The following RNPC3 variants were observed in gnomAD, a reference collection of about 807,000 sequenced individuals.
RNPC3 encodes RNA-binding region-containing protein 3.
A neutral mutation model predicts 67.5 loss-of-function variants in RNPC3; 48 were observed. That is an observed-to-expected ratio of 0.71 (90% CI 0.56 to 0.90). The LOEUF is 0.90. Ranked by LOEUF, RNPC3 falls within the 40% of genes least tolerant of loss-of-function variation. The pLI, the probability that RNPC3 is intolerant of heterozygous loss-of-function variation, is 0.00. For missense variants in RNPC3, 637 were observed against 626.1 expected (o/e 1.02, Z -0.19); for synonymous variants, 239 against 210.3 (o/e 1.14, Z -1.18).
At chr1:103,548,353 A>G (rs1651297818) in intron 12 of RNPC3, among the ~76,000 whole-genome samples, 1 of 152,132 alleles carries the variant, frequency 6.6e-6, no homozygotes, top group Non-Finnish European at 1.5e-5. Flanking sequence ...CACCCAAGTC[A>G]CCTCTTGAAT....
Position 103,526,082 on chromosome 1 carries a change from C to G in RNPC3, c.12C>G (p.Pro4=), listed in dbSNP as rs931095727. 3.3e-6 allele frequency: 5 copies of G among 1,534,700 alleles called. No individual in the cohort carries two copies. In the African/African-American group the frequency reaches 6.9e-5, roughly 21 times the overall value. Residue 4 remains proline (P), a synonymous_variant, in exon 1 of 15, where the codon CCC becomes CCG. Coordinates refer to ENST00000423855, the MANE Select transcript of RNPC3 (RefSeq NM_017619.4). Reference sequence around the variant, plus strand: ...CTTCTCCAAGGAAAATGGCAGCTCCCGAGCAGCCGCTTGCGATATCAAGGG... The same window carrying G: ...CTTCTCCAAGGAAAATGGCAGCTCCGGAGCAGCCGCTTGCGATATCAAGGG... The part of the protein sequence containing the change: MAA[P]EQPLAISRGC...
intron 1 of RNPC3, 120 bp from the exon 2 acceptor site, chr1:103,527,575 T>G: frequency 1.3e-6 from 1 of 759,868 alleles, no homozygotes; most frequent in Non-Finnish European, 2.2e-6. Flanking sequence ...TGGTCTTGAG[T>G]TTTCATCCTT....
At chr1:103,549,951 G>T (rs1356376807) in intron 12 of RNPC3, among the ~76,000 whole-genome samples, 2 of 151,330 alleles carry the variant, frequency 1.3e-5, no homozygotes, top group Non-Finnish European at 2.9e-5. Context: ...ATCACTTGAG[G>T]TCAGGAGTTC....
At chr1:103,539,515 C>A (rs567321780) in intron 7 of RNPC3, among the ~76,000 whole-genome samples, 1 of 152,296 alleles carries the variant, frequency 6.6e-6, no homozygotes, top group South Asian at 2.1e-4. Context: ...GTGAACTTCA[C>A]TTTCTTTATA....
chr1:103,552,917 T>A (rs1032875626), intron 14 of RNPC3: 1 of 152,218 alleles, frequency 6.6e-6, no homozygotes, highest in Non-Finnish European at 1.5e-5. Context: ...AATTAAGCAT[T>A]TTAAATGTTA....
At chr1:103,541,822 C>T (rs1485527554) in intron 8 of RNPC3, among the ~76,000 whole-genome samples, 1 of 151,954 alleles carries the variant, frequency 6.6e-6, no homozygotes, top group Non-Finnish European at 1.5e-5. Flanking sequence ...ACATTACTGT[C>T]ACTAGTGTAA....
chr1:103,542,152 A>G (rs571511756), intron 8 of RNPC3, among the ~76,000 whole-genome samples: 4 of 152,174 alleles, frequency 2.6e-5, no homozygotes, highest in Non-Finnish European at 4.4e-5. Flanking sequence ...TGCATTAGCA[A>G]TTATAATACA....
Position 103,537,359 on chromosome 1 carries a change from A to C in RNPC3, c.642A>C (p.Pro214=). 1 of 1,535,260 alleles carries C rather than the reference A, an allele frequency of 6.5e-7. No individual in the cohort carries two copies. The highest frequency in any genetic ancestry group is 8.7e-7 in the Non-Finnish European group (1 of 1,146,374). Residue 214 remains proline (P), a synonymous_variant, in exon 7 of 15, where the codon CCA becomes CCC. Coordinates refer to ENST00000423855, the MANE Select transcript of RNPC3 (RefSeq NM_017619.4). ...ARPPMYEDYM[P]LHAPLPPTSP... is the part of the protein sequence containing the mutation. ...TTAATTAGTATGAAGACTATATGCC[A>C]TTGCATGCACCTCTTCCACCCACAT...
chr1:103,546,283 C>G lies in RNPC3; in HGVS notation c.1243C>G (p.Pro415Ala). ...ETLSVFRSYE[P>A]GEPNCRIYVK... ...ACTTTCAGTTTTCAGAAGTTATGAACCGGGTGAACCAAACTGTAGAATTTA... is the reference window on the plus strand; with the variant it reads ...ACTTTCAGTTTTCAGAAGTTATGAAGCGGGTGAACCAAACTGTAGAATTTA... Residue 415 changes from proline to alanine, a missense_variant, in exon 11 of 15, where the codon CCG becomes GCG. Pro to Ala is a conservative substitution (Grantham distance 27). Coordinates refer to ENST00000423855, the MANE Select transcript of RNPC3 (RefSeq NM_017619.4). The G allele has an allele frequency of 6.8e-7, 1 of 1,465,232 alleles. No individual in the cohort carries two copies. Among genetic ancestry groups the G allele is most frequent in the Non-Finnish European group, 9.0e-7 (1 of 1,113,928 alleles). 90.8% of individuals were successfully genotyped at this position (1,465,232 alleles called of 1,614,324 possible).
Position 103,545,097 on chromosome 1 carries a change from G to A in RNPC3, c.1202G>A (p.Arg401Lys). Residue 401 changes from arginine (R) to lysine (K), a missense_variant, in exon 10 of 15, where the codon AGA becomes AAA. By Grantham distance (26) the Arg-to-Lys change is conservative. Coordinates refer to ENST00000423855, the MANE Select transcript of RNPC3 (RefSeq NM_017619.4). ...GAATTGGAAAAGGGCAGAATTTCTA[G>A]AGAAGGTAATGTCACGAAATAAACT... ...RRELEKGRIS[R>K]EEMETLSVFR... 1 of 1,531,232 alleles carries A rather than the reference G, an allele frequency of 6.5e-7. No homozygotes were observed. The highest frequency in any genetic ancestry group is 8.7e-7 in the Non-Finnish European group (1 of 1,143,910). The allele number at this position is 1,531,232 out of a possible 1,614,324, so 94.9% of individuals were successfully genotyped here.
intron 14 of RNPC3, chr1:103,552,006 T>C (rs901249701): frequency 2.5e-5 from 9 of 365,970 alleles, no homozygotes; most frequent in Admixed American, 1.4e-4. Context: ...ATGAATCTTA[T>C]AAGGGGAGTG....
In RNPC3 at chr1:103,531,404, A is replaced by G. The variant is rs141800857; in HGVS notation, c.241-2335A>G. Among the ~76,000 whole-genome samples the G allele has an allele frequency of 1.8e-4, 27 of 152,282 alleles. No homozygotes were observed. The East Asian group carries it at 5.0e-3, about 28-fold the overall frequency. ...TGGATGAAATGGTAGGTCTACTTTT[A>G]GTTCTTTAAGGAATCTCCACACTAT... On this transcript the variant is annotated intron_variant, in intron 2 of 14. Coordinates refer to ENST00000423855, the MANE Select transcript of RNPC3 (RefSeq NM_017619.4).
chr1:103,527,026 A>G (rs1650733197), intron 1 of RNPC3, among the ~76,000 whole-genome samples: 1 of 152,200 alleles, frequency 6.6e-6, no homozygotes, highest in African/African-American at 2.4e-5. Flanking sequence ...AAATTAAAAA[A>G]AAAAAATTAT....
At chr1:103,530,326 T>C (rs1450113718) in intron 2 of RNPC3, among the ~76,000 whole-genome samples, 3 of 151,956 alleles carry the variant, frequency 2.0e-5, no homozygotes, top group Admixed American at 6.6e-5. Flanking sequence ...GAGTGCTAAG[T>C]GGGGAGAGGT....
At chr1:103,541,254 T>C (rs1355198506) in intron 7 of RNPC3, 96 bp from the exon 8 acceptor site, 7 of 844,816 alleles carry the variant, frequency 8.3e-6, no homozygotes, top group Non-Finnish European at 1.2e-5. Context: ...ATTTAAATTA[T>C]ACACCAAAAT....
intron 6 of RNPC3, among the ~76,000 whole-genome samples, 161 bp downstream of exon 6, chr1:103,536,355 TGA>T (rs1650987175): frequency 6.6e-6 from 1 of 152,130 alleles, no homozygotes; most frequent in African/African-American, 2.4e-5. Flanking sequence ...AACTGTTAAG[TGA>T]GTAAAAGCCG....
At chr1:103,553,674 A>G (rs1202575917) in intron 14 of RNPC3, 4 of 152,180 alleles carry the variant, frequency 2.6e-5, no homozygotes, top group East Asian at 1.9e-4. Flanking sequence ...TGTGTAATAT[A>G]TCTGGTTTAG....
chr1:103,528,241 T>C (rs555426790), intron 2 of RNPC3, among the ~76,000 whole-genome samples: 29 of 152,122 alleles, frequency 1.9e-4, no homozygotes, highest in Admixed American at 7.2e-4. Context: ...ACTTGAAAAA[T>C]AGATTTGAGT....
chr1:103,525,974 C>A lies in RNPC3; in HGVS notation c.-97C>A. On this transcript the variant is annotated 5_prime_UTR_variant, in exon 1 of 15. Coordinates refer to ENST00000423855, the MANE Select transcript of RNPC3 (RefSeq NM_017619.4). ...ATTTCCTGGTTTCCAGAATCCTTAG[C>A]GCGAGGCGGAAAAAATATTTCTCCC... 1 of 973,874 alleles carries A rather than the reference C, an allele frequency of 1.0e-6. No individual in the cohort carries two copies. The highest frequency in any genetic ancestry group is 1.5e-6 in the Non-Finnish European group (1 of 676,370). The allele number at this position is 973,874 out of a possible 1,614,324, so 60.3% of individuals were successfully genotyped here. A position where few individuals can be genotyped will look rare whatever the true frequency, so the allele number is the denominator to read the frequency against.
Sources: gnomAD v4.1 joint callset for allele counts (sites outside exome capture counted in the v4.1 genomes callset) on GRCh38, gnomAD v4.1.1 for gene constraint, MANE v1.5 for transcripts, NCBI Gene and HGNC (gene_info 2026-07-23, HGNC 2026-07-21) for gene names.